FHIP1A: variants seen among roughly 807,000 people sequenced by gnomAD.
FHIP1A encodes FHF complex subunit HOOK-interacting protein 1A.
Under a neutral mutation model 88.6 loss-of-function variants are expected in FHIP1A, and 61 were observed. That is an observed-to-expected ratio of 0.69 (90% CI 0.56 to 0.85). The LOEUF is 0.85. Among genes scored for constraint, FHIP1A ranks in the 40% least tolerant of loss-of-function variants. The probability of loss-of-function intolerance (pLI) is 0.00; values close to 1 mark genes in which losing one functional copy is unlikely to be tolerated. For missense variants in FHIP1A, 1,154 were observed against 1,273.5 expected (o/e 0.91, Z 1.43); for synonymous variants, 478 against 496.0 (o/e 0.96, Z 0.48).
chr4:151,506,029 C>G (rs1203524732), intron 3 of FHIP1A, among the ~76,000 whole-genome samples: 1 of 152,244 alleles, frequency 6.6e-6, no homozygotes, highest in African/African-American at 2.4e-5. Flanking sequence ...CTCAAGTGAT[C>G]CTCCCACCTC....
In FHIP1A at chr4:151,526,437, C is replaced by A. The variant is rs1399211651; in HGVS notation, c.-122-39701C>A. Reference sequence around the variant, plus strand: ...CCGGGGTGGCTGGCCGGGCGGGGGGCTGACCCCCCCACCTCCCTCCCGGAT... The same window carrying A: ...CCGGGGTGGCTGGCCGGGCGGGGGGATGACCCCCCCACCTCCCTCCCGGAT... On this transcript the variant is annotated intron_variant, in intron 3 of 13. Coordinates refer to ENST00000435205, the MANE Select transcript of FHIP1A (RefSeq NM_001109977.3). Among the ~76,000 whole-genome samples the A allele has an allele frequency of 1.2e-4, 18 of 145,558 alleles. No individual in the cohort carries two copies. In the East Asian group the frequency reaches 3.7e-3, roughly 30 times the overall value.
intron 3 of FHIP1A, among the ~76,000 whole-genome samples, chr4:151,530,976 T>C (rs56301462): frequency 4.6e-5 from 7 of 151,916 alleles, no homozygotes; most frequent in South Asian, 4.2e-4. Flanking sequence ...ATTCCCAAAG[T>C]GGGGAGCTGT....
At chr4:151,563,852 G>A (rs765888724) in intron 3 of FHIP1A, among the ~76,000 whole-genome samples, 2 of 152,052 alleles carry the variant, frequency 1.3e-5, no homozygotes, top group Non-Finnish European at 2.9e-5. Flanking sequence ...AATTGGACAG[G>A]TGTGGTGGCA....
At chr4:151,587,204 T>G (rs1282221896) in intron 6 of FHIP1A, among the ~76,000 whole-genome samples, 1 of 152,198 alleles carries the variant, frequency 6.6e-6, no homozygotes, top group Non-Finnish European at 1.5e-5. Context: ...GCATACTACA[T>G]AAAGAATATT....
intron 1 of FHIP1A, among the ~76,000 whole-genome samples, chr4:151,421,674 C>G (rs1292039403): frequency 6.6e-6 from 1 of 151,940 alleles, no homozygotes; most frequent in Non-Finnish European, 1.5e-5. Flanking sequence ...TCCCCCGAAT[C>G]TCTTTGTTAA....
At chr4:151,558,619 G>A (rs532132455) in intron 3 of FHIP1A, among the ~76,000 whole-genome samples, 100 of 152,330 alleles carry the variant, frequency 6.6e-4, no homozygotes, top group African/African-American at 2.4e-3. Flanking sequence ...GTTATGGTAA[G>A]CTGAGTGCAG....
At chr4:151,592,444 T>G (rs1383100932) in intron 7 of FHIP1A, among the ~76,000 whole-genome samples, 1 of 152,228 alleles carries the variant, frequency 6.6e-6, no homozygotes, top group Non-Finnish European at 1.5e-5. Context: ...GTTCCCTGAC[T>G]TTTTAATGAT....
At chr4:151,611,931 T>C (rs1386058222) in intron 7 of FHIP1A, among the ~76,000 whole-genome samples, 1 of 152,234 alleles carries the variant, frequency 6.6e-6, no homozygotes, top group African/African-American at 2.4e-5. Flanking sequence ...AACATTTCCT[T>C]TGTGTTTAAG....
At chr4:151,619,743 G>T (rs1166652725) in intron 7 of FHIP1A, among the ~76,000 whole-genome samples, 6 of 152,192 alleles carry the variant, frequency 3.9e-5, no homozygotes, top group Non-Finnish European at 7.3e-5. Context: ...GTTTGCTGGG[G>T]TTGAGATATC....
intron 2 of FHIP1A, among the ~76,000 whole-genome samples, chr4:151,478,919 G>A (rs147168099): frequency 0.016 from 2,463 of 152,134 alleles, 21 homozygotes; most frequent in Non-Finnish European, 0.026. Flanking sequence ...GTCTCTGCCT[G>A]CTTTCTTTTC....
At chr4:151,497,081 G>T (rs568134545) in intron 3 of FHIP1A, among the ~76,000 whole-genome samples, 18 of 152,232 alleles carry the variant, frequency 1.2e-4, no homozygotes, top group South Asian at 6.2e-4. Flanking sequence ...GCGGGAAAAA[G>T]GCAGATTCAT....
At chr4:151,594,125 T>C (rs1031386693) in intron 7 of FHIP1A, among the ~76,000 whole-genome samples, 2 of 152,224 alleles carry the variant, frequency 1.3e-5, no homozygotes, top group African/African-American at 4.8e-5. Flanking sequence ...TTGATCGTGG[T>C]GGATAAGCTT....
intron 1 of FHIP1A, among the ~76,000 whole-genome samples, chr4:151,445,654 G>A (rs1349721704): frequency 6.6e-6 from 1 of 151,454 alleles, no homozygotes; most frequent in Non-Finnish European, 1.5e-5. Flanking sequence ...AGGGCTTTAG[G>A]AACCCTGTGC....
intron 9 of FHIP1A, among the ~76,000 whole-genome samples, chr4:151,645,332 G>T (rs1269899052): frequency 6.6e-6 from 1 of 152,024 alleles, no homozygotes; most frequent in Non-Finnish European, 1.5e-5. Context: ...AAAACCTTCA[G>T]CATCAAGTAC....
At position 151,412,580 on chromosome 4, in the gene FHIP1A, T is replaced by TTCCTTCCTTCCTTCC. The variant is rs1199098736; in HGVS notation, c.-356+3116_-356+3117insCCTTCCTTCCTTCCT. On this transcript the variant is annotated intron_variant, in intron 1 of 13. Transcript: ENST00000435205. Reference sequence around the variant, plus strand: ...TTTCTTTCTTTCTTTCTTTCTTTCCTTTCTTTCCTTCCTTCCTTCCTTCCT... The same window carrying TTCCTTCCTTCCTTCC: ...TTTCTTTCTTTCTTTCTTTCTTTCCTTCCTTCCTTCCTTCCTTCTTTCCTTCCTTCCTTCCTTCCT... 1.4e-3 allele frequency among the ~76,000 whole-genome samples: 156 copies of TTCCTTCCTTCCTTCC among 113,416 alleles called. 1 individual carries two copies. Among genetic ancestry groups the TTCCTTCCTTCCTTCC allele is most frequent in the Middle Eastern group, 4.7e-3 (1 of 214 alleles). 74.4% of individuals were successfully genotyped at this position (113,416 alleles called of 152,430 possible).
Position 151,417,972 on chromosome 4 carries a change from C to A in FHIP1A, c.-356+8507C>A, listed in dbSNP as rs115850934. Among the ~76,000 whole-genome samples, 1,334 of 151,958 alleles carry A rather than the reference C, an allele frequency of 8.8e-3. 21 individuals are homozygous for A. The highest frequency in any genetic ancestry group is 0.029 in the African/African-American group (1,217 of 41,444). On this transcript the variant is annotated intron_variant, in intron 1 of 13. Transcript: ENST00000435205. ...ATTGCTTGAGGCCAGAAGTTTGACA[C>A]CAGCCTGGGAGACATAGTGAGACCC...
At chr4:151,605,902 A>G (rs1735055673) in intron 7 of FHIP1A, among the ~76,000 whole-genome samples, 1 of 152,224 alleles carries the variant, frequency 6.6e-6, no homozygotes, top group Non-Finnish European at 1.5e-5. Context: ...GAACTCCGGT[A>G]GAGCCCAGTT....
chr4:151,642,008 A>T (rs921554362), intron 9 of FHIP1A, among the ~76,000 whole-genome samples: 2 of 152,274 alleles, frequency 1.3e-5, no homozygotes, highest in South Asian at 2.1e-4. Flanking sequence ...CATAAATACC[A>T]ACATTTCAAA....
At chr4:151,421,248 A>G (rs781492486) in intron 1 of FHIP1A, among the ~76,000 whole-genome samples, 2 of 152,164 alleles carry the variant, frequency 1.3e-5, no homozygotes, top group Admixed American at 6.5e-5. Context: ...GGATTTGTCA[A>G]ATTTTACACA....
Sources: gnomAD v4.1 joint callset for allele counts (sites outside exome capture counted in the v4.1 genomes callset) on GRCh38, gnomAD v4.1.1 for gene constraint, MANE v1.5 for transcripts, NCBI Gene and HGNC (gene_info 2026-07-23, HGNC 2026-07-21) for gene names.